Variants in GRWD1 observed in about 807,000 individuals in gnomAD.
GRWD1 encodes the protein glutamate-rich WD repeat-containing protein 1.
A neutral mutation model predicts 45.3 loss-of-function variants in GRWD1; 29 were observed. That is an observed-to-expected ratio of 0.64 (90% CI 0.48 to 0.87). GRWD1 has a LOEUF of 0.87. GRWD1 is among the 40% of genes least tolerant of loss of function. The pLI is 0.00. For synonymous variants in GRWD1, 262 were observed against 257.6 expected (o/e 1.02, Z -0.16); for missense variants, 592 against 618.8 (o/e 0.96, Z 0.46).
chr19:48,448,098 C>T (rs1292351872), intron 3 of GRWD1, among the ~76,000 whole-genome samples: 1 of 152,138 alleles, frequency 6.6e-6, no homozygotes, highest in Non-Finnish European at 1.5e-5. Flanking sequence ...ATCACAAGTG[C>T]ACACCACCAT....
Position 48,450,061 on chromosome 19 carries a change from T to C in GRWD1, c.469-252T>C, listed in dbSNP as rs985655202. 4.9e-4 allele frequency among the ~76,000 whole-genome samples: 74 copies of C among 151,746 alleles called. No homozygotes were observed. The highest frequency in any genetic ancestry group is 2.8e-4 in the Non-Finnish European group (19 of 67,878). The stretch of plus-strand genomic sequence containing the variant: ...TTGCAGCCTCAACTCCCAGGCATCC[T>C]GGGGCTCTATCCTCCCACCTCAGCT... On this transcript the variant is annotated intron_variant, in intron 3 of 6. Transcript: ENST00000253237. The surrounding 1 kb of genome is among the most constrained non-coding windows in gnomAD (Gnocchi z 5.1).
chr19:48,447,753 T>C lies in GRWD1; in HGVS notation c.468+910T>C, dbSNP rs899139402. On this transcript the variant is annotated intron_variant, in intron 3 of 6. Coordinates refer to ENST00000253237, the MANE Select transcript of GRWD1 (RefSeq NM_031485.4). ...AGCTATTATGATCAGTGTCATTACA[T>C]GTTAGGTACTGTTTTAGATTATGAG... 2.0e-5 allele frequency among the ~76,000 whole-genome samples: 3 copies of C among 152,360 alleles called. No homozygotes were observed. In the East Asian group the frequency reaches 5.8e-4, roughly 29 times the overall value.
chr19:48,446,310 T>C, intron 1 of GRWD1, 75 bp from the exon 2 acceptor site: 3 of 1,559,682 alleles, frequency 1.9e-6, no homozygotes, highest in Non-Finnish European at 2.6e-6. Flanking sequence ...CCGGAGGCGG[T>C]TGATCCATGA....
At position 48,452,761 on chromosome 19, in the gene GRWD1, C is replaced by T. The variant is rs370198526; in HGVS notation, c.1077C>T (p.Val359=). 8.9e-5 allele frequency: 142 copies of T among 1,602,958 alleles called. 2 individuals are homozygous for T. The South Asian group carries it at 1.3e-3, about 15-fold the overall frequency. The change falls in exon 7 of 7, where the codon GTC becomes GTT. Residue 359 remains valine, a synonymous_variant. Transcript: ENST00000253237. This position sits in a 1 kb window ranked among gnomAD's most constrained non-coding sequence, Gnocchi z 5.1. ...FKQHVAPVTS[V]EWHPQDSGVF... ...AGCACGTGGCCCCCGTGACCTCCGT[C>T]GAGTGGCACCCCCAGGACAGCGGGG...
At position 48,450,990 on chromosome 19, in the gene GRWD1, CGGGCTGGGGGGCATTGG is replaced by C; in HGVS notation, c.826-42_826-26del. 1.3e-6 allele frequency: 2 copies of C among 1,579,636 alleles called. No homozygotes were observed. The highest frequency in any genetic ancestry group is 1.7e-6 in the Non-Finnish European group (2 of 1,157,098). Reference sequence around the variant, plus strand: ...CACCGCTGGCGCTTGGGCTTCACTGCGGGCTGGGGGGCATTGGGACCACTCAGACTCCGCCTCCCCCA... The same window carrying C: ...CACCGCTGGCGCTTGGGCTTCACTGCGACCACTCAGACTCCGCCTCCCCCA... On this transcript the variant is annotated intron_variant, in intron 5 of 6. Transcript: ENST00000253237. This position sits in a 1 kb window ranked among gnomAD's most constrained non-coding sequence, Gnocchi z 5.1.
chr19:48,448,465 A>G (rs1053642993), intron 3 of GRWD1, among the ~76,000 whole-genome samples: 14 of 152,192 alleles, frequency 9.2e-5, no homozygotes, highest in Non-Finnish European at 1.2e-4. Flanking sequence ...CAACTTACAC[A>G]CTAGTGGGGG....
chr19:48,452,565 C>T lies in GRWD1; in HGVS notation c.1024-143C>T. ...GCCAGAATTACCCTGTGTCCCTTTC[C>T]TGGACTCTGGGCTTGTGAGGGCTTA... is the stretch of plus-strand genomic sequence containing the variant. On this transcript the variant is annotated intron_variant, in intron 6 of 6. Transcript: ENST00000253237. The surrounding 1 kb of genome is among the most constrained non-coding windows in gnomAD (Gnocchi z 5.1). 2.9e-6 allele frequency: 2 copies of T among 681,704 alleles called. No individual in the cohort carries two copies. The highest frequency in any genetic ancestry group is 2.0e-5 in the South Asian group (1 of 50,590). 42.2% of individuals were successfully genotyped at this position (681,704 alleles called of 1,614,324 possible). A position where few individuals can be genotyped will look rare whatever the true frequency, so the allele number is the denominator to read the frequency against.
In GRWD1 at chr19:48,446,784, C is replaced by A; in HGVS notation, c.409C>A (p.Arg137=). 2 of 1,614,100 alleles carry A rather than the reference C, an allele frequency of 1.2e-6. No homozygotes were observed. The highest frequency in any genetic ancestry group is 1.7e-6 in the Non-Finnish European group (2 of 1,180,024). Reference sequence around the variant, plus strand: ...GGAAGATGAAGAGGATGAAGAAGAGCGGAAACCTCAGCTGGAGCTGGCCAT... The same window carrying A: ...GGAAGATGAAGAGGATGAAGAAGAGAGGAAACCTCAGCTGGAGCTGGCCAT... ...EEEDEEDEEE[R]KPQLELAMVP... The change falls in exon 3 of 7, where the codon CGG becomes AGG. Residue 137 remains arginine, a synonymous_variant. Transcript: ENST00000253237.
chr19:48,454,508 C>T lies in GRWD1; in HGVS notation c.*1483C>T, dbSNP rs1283397432. 1 of 152,512 alleles carries T rather than the reference C, an allele frequency of 6.6e-6. No homozygotes were observed. The highest frequency in any genetic ancestry group is 1.5e-5 in the Non-Finnish European group (1 of 68,326). The allele number at this position is 152,512 out of a possible 1,614,324, so 9.4% of individuals were successfully genotyped here. A position where few individuals can be genotyped will look rare whatever the true frequency, so the allele number is the denominator to read the frequency against. ...TGGGACCAAGGACAGACTACAGCCC[C>T]TCAGCACCCACAGAGGCTTCCCCTC... On this transcript the variant is annotated 3_prime_UTR_variant, in exon 7 of 7. Coordinates refer to ENST00000253237, the MANE Select transcript of GRWD1 (RefSeq NM_031485.4).
chr19:48,450,877 T>C lies in GRWD1; in HGVS notation c.825+69T>C. The stretch of plus-strand genomic sequence containing the variant: ...TAGGCCAGGGACCTAGAATCCTAGG[T>C]CTGAGGGAAAAGAGGGCTGGGAGCC... On this transcript the variant is annotated intron_variant, in intron 5 of 6. Transcript: ENST00000253237. The surrounding 1 kb of genome is among the most constrained non-coding windows in gnomAD (Gnocchi z 5.1). 6.5e-7 allele frequency: 1 copy of C among 1,542,058 alleles called. No individual in the cohort carries two copies. The highest frequency in any genetic ancestry group is 1.9e-5 in the Admixed American group (1 of 52,038).
In GRWD1 at chr19:48,450,095, C is replaced by T. The variant is rs1322112618; in HGVS notation, c.469-218C>T. ...ATCCTCCCACCTCAGCTCCCCCACC[C>T]ACTCCCACCCCCTGTGGAGAGCTGT... On this transcript the variant is annotated intron_variant, in intron 3 of 6. Transcript: ENST00000253237. This position sits in a 1 kb window ranked among gnomAD's most constrained non-coding sequence, Gnocchi z 5.1. Among the ~76,000 whole-genome samples, 1 of 151,824 alleles carries T rather than the reference C, an allele frequency of 6.6e-6. No individual in the cohort carries two copies. Among genetic ancestry groups the T allele is most frequent in the Non-Finnish European group, 1.5e-5 (1 of 67,952 alleles).
At position 48,453,243 on chromosome 19, in the gene GRWD1, C is replaced by A; in HGVS notation, c.*218C>A. ...GTTTAACCAGGGCTCTGTAAGACCACTCCCACCCAGAGACTTGTGTGGCCT... is the reference window on the plus strand; with the variant it reads ...GTTTAACCAGGGCTCTGTAAGACCAATCCCACCCAGAGACTTGTGTGGCCT... On this transcript the variant is annotated 3_prime_UTR_variant, in exon 7 of 7. Transcript: ENST00000253237. 2.0e-6 allele frequency: 1 copy of A among 508,180 alleles called. No individual in the cohort carries two copies. Among genetic ancestry groups the A allele is most frequent in the Middle Eastern group, 4.6e-4 (1 of 2,178 alleles). The allele number at this position is 508,180 out of a possible 1,614,324, so 31.5% of individuals were successfully genotyped here. A position where few individuals can be genotyped will look rare whatever the true frequency, so the allele number is the denominator to read the frequency against.
In GRWD1 at chr19:48,446,764, A is replaced by T. The variant is rs774435008; in HGVS notation, c.389A>T (p.Asp130Val). 20 of 1,614,048 alleles carry T rather than the reference A, an allele frequency of 1.2e-5. No homozygotes were observed. Among genetic ancestry groups the T allele is most frequent in the Admixed American group, 1.2e-4 (7 of 59,996 alleles). ...EGSDEEEEEE[D>V]EEDEEERKPQ... ...AGTGATGAAGAAGAAGAGGAGGAAG[A>T]TGAAGAGGATGAAGAAGAGCGGAAA... Residue 130 changes from aspartate to valine, a missense_variant, in exon 3 of 7, where the codon GAT becomes GTT. Coordinates refer to ENST00000253237, the MANE Select transcript of GRWD1 (RefSeq NM_031485.4).
At position 48,452,988 on chromosome 19, in the gene GRWD1, T is replaced by G; in HGVS notation, c.1304T>G (p.Leu435Arg). The G allele has an allele frequency of 6.3e-7, 1 of 1,599,456 alleles. No individual in the cohort carries two copies. Among genetic ancestry groups the G allele is most frequent in the Admixed American group, 1.7e-5 (1 of 59,514 alleles). Reference protein sequence around the residue: ...QCPGLLVSTALSGFTIFRTIS... With the variant: ...QCPGLLVSTARSGFTIFRTIS... The stretch of plus-strand genomic sequence containing the variant: ...CCAGGGCTCCTGGTCAGCACGGCGC[T>G]GTCAGGCTTCACCATCTTCCGCACC... The change falls in exon 7 of 7, where the codon CTG becomes CGG. Residue 435 changes from leucine to arginine, a missense_variant. Transcript: ENST00000253237. The surrounding 1 kb of genome is among the most constrained non-coding windows in gnomAD (Gnocchi z 5.1).
At chr19:48,446,584 T>A (rs1422419601) in intron 2 of GRWD1, 82 bp downstream of exon 2, 11 of 1,570,108 alleles carry the variant, frequency 7.0e-6, no homozygotes, top group Non-Finnish European at 9.6e-6. Context: ...GCTTCCAGTT[T>A]CTGCCTCTCG....
Position 48,447,424 on chromosome 19 carries a change from G to A in GRWD1, c.468+581G>A, listed in dbSNP as rs1016321635. ...CGCCCGGCTAATTTTTGTATTCTTA[G>A]TAGGGACGGGGTTTCACAATGTTGA... On this transcript the variant is annotated intron_variant, in intron 3 of 6. Transcript: ENST00000253237. 4.0e-5 allele frequency among the ~76,000 whole-genome samples: 6 copies of A among 151,662 alleles called. 1 individual carries two copies. Among genetic ancestry groups the A allele is most frequent in the South Asian group, 4.2e-4 (2 of 4,802 alleles).
Position 48,450,906 on chromosome 19 carries a change from C to A in GRWD1, c.825+98C>A. 4.7e-6 allele frequency: 7 copies of A among 1,504,124 alleles called. No homozygotes were observed. The highest frequency in any genetic ancestry group is 6.3e-6 in the Non-Finnish European group (7 of 1,105,322). 93.2% of individuals were successfully genotyped at this position (1,504,124 alleles called of 1,614,324 possible). ...AGGGAAAAGAGGGCTGGGAGCCTGA[C>A]GGAGGTTTAGTTTCCAGGCCAAGTC... On this transcript the variant is annotated intron_variant, in intron 5 of 6. Transcript: ENST00000253237. This position sits in a 1 kb window ranked among gnomAD's most constrained non-coding sequence, Gnocchi z 5.1.
chr19:48,446,086 G>C lies in GRWD1; in HGVS notation c.81G>C (p.Glu27Asp), dbSNP rs765108642. ...CCGAGTCCGGCGACACAAGTTCCGA[G>C]GGCCCGGCCCAGGTCTACCTGCCCG... ...MEAESGDTSS[E>D]GPAQVYLPGR... The change falls in exon 1 of 7, where the codon GAG becomes GAC. Residue 27 changes from glutamate (E) to aspartate (D), a missense_variant. Physicochemically the swap from Glu to Asp is conservative, Grantham distance 45 (BLOSUM62 2). Coordinates refer to ENST00000253237, the MANE Select transcript of GRWD1 (RefSeq NM_031485.4). 4 of 1,596,510 alleles carry C rather than the reference G, an allele frequency of 2.5e-6. No individual in the cohort carries two copies. Among genetic ancestry groups the C allele is most frequent in the Non-Finnish European group, 3.4e-6 (4 of 1,173,328 alleles).
Position 48,450,883 on chromosome 19 carries a change from G to A in GRWD1, c.825+75G>A. 1 of 1,531,760 alleles carries A rather than the reference G, an allele frequency of 6.5e-7. No homozygotes were observed. The highest frequency in any genetic ancestry group is 8.9e-7 in the Non-Finnish European group (1 of 1,125,818). 94.9% of individuals were successfully genotyped at this position (1,531,760 alleles called of 1,614,324 possible). A position where few individuals can be genotyped will look rare whatever the true frequency, so the allele number is the denominator to read the frequency against. On this transcript the variant is annotated intron_variant, in intron 5 of 6. Coordinates refer to ENST00000253237, the MANE Select transcript of GRWD1 (RefSeq NM_031485.4). This position sits in a 1 kb window ranked among gnomAD's most constrained non-coding sequence, Gnocchi z 5.1. ...AGGGACCTAGAATCCTAGGTCTGAG[G>A]GAAAAGAGGGCTGGGAGCCTGACGG...
Sources: gnomAD v4.1 joint callset for allele counts (sites outside exome capture counted in the v4.1 genomes callset) on GRCh38, gnomAD v4.1.1 for gene constraint, Gnocchi (gnomAD v3.1) non-coding constraint, MANE v1.5 for transcripts, NCBI Gene and HGNC (gene_info 2026-07-23, HGNC 2026-07-21) for gene names.